The following SOX5 variants were observed in gnomAD, a reference collection of about 807,000 sequenced individuals.
SOX5 encodes the protein SRY-box transcription factor 5.
SOX5 carries 9 observed loss-of-function variants against 92.0 expected under a neutral mutation model. That is an observed-to-expected ratio of 0.10 (90% CI 0.06 to 0.17). SOX5 has a LOEUF of 0.17. Ranked by LOEUF, SOX5 falls within the 10% of genes least tolerant of loss-of-function variation. SOX5 has a pLI of 1.00. For synonymous variants in SOX5, 344 were observed against 336.3 expected, an observed-to-expected ratio of 1.02 and a Z score of -0.25; for missense variants, 642 against 944.5, an observed-to-expected ratio of 0.68 and a Z score of 4.20.
At chr12:24,050,363 G>A (rs925848496) in intron 4 of SOX5, among the ~76,000 whole-genome samples, 18 of 151,980 alleles carry the variant, frequency 1.2e-4, no homozygotes, top group South Asian at 4.1e-4. Flanking sequence ...CATAAGCTTC[G>A]TCAGCAAACA....
intron 13 of SOX5, among the ~76,000 whole-genome samples, chr12:23,541,306 A>G (rs1941990755): frequency 6.6e-6 from 1 of 152,224 alleles, no homozygotes; most frequent in Non-Finnish European, 1.5e-5. Context: ...GTATTCAGAC[A>G]CAAGAATTGA....
intron 1 of SOX5, among the ~76,000 whole-genome samples, chr12:23,901,038 T>C (rs1424518849): frequency 6.6e-6 from 1 of 152,212 alleles, no homozygotes; most frequent in Non-Finnish European, 1.5e-5. Context: ...ATACCTTACA[T>C]GTCAAAAGGG....
chr12:23,736,691 T>C (rs923796348), intron 5 of SOX5, among the ~76,000 whole-genome samples: 3 of 99,052 alleles, frequency 3.0e-5, no homozygotes, highest in South Asian at 2.6e-4. Flanking sequence ...TTCTTTCTCT[T>C]TTTTTTTTTT....
At chr12:24,195,887 T>A (rs1474541021) in intron 4 of SOX5, among the ~76,000 whole-genome samples, 1 of 152,174 alleles carries the variant, frequency 6.6e-6, no homozygotes, top group African/African-American at 2.4e-5. Flanking sequence ...TGTGTGTGTG[T>A]CTGTGTGTGT....
chr12:23,669,636 T>G (rs2084417716), intron 6 of SOX5, among the ~76,000 whole-genome samples: 1 of 122,216 alleles, frequency 8.2e-6, no homozygotes, highest in Non-Finnish European at 1.7e-5. Flanking sequence ...AGAAGAGTAA[T>G]GGATGAGGAG....
chr12:24,353,976 A>G (rs1409317580), intron 2 of SOX5, among the ~76,000 whole-genome samples: 1 of 152,182 alleles, frequency 6.6e-6, no homozygotes, highest in African/African-American at 2.4e-5. Context: ...AGAACCTACT[A>G]TGTACTACTG....
At chr12:23,697,050 G>T (rs2089977942) in intron 6 of SOX5, among the ~76,000 whole-genome samples, 2 of 152,092 alleles carry the variant, frequency 1.3e-5, no homozygotes, top group South Asian at 4.1e-4. Context: ...CACTTTAAAA[G>T]AATTATTCTT....
At chr12:24,380,787 G>T (rs1957749818) in intron 1 of SOX5, among the ~76,000 whole-genome samples, 1 of 152,150 alleles carries the variant, frequency 6.6e-6, no homozygotes, top group African/African-American at 2.4e-5. Context: ...GAAAACCAAA[G>T]AATTTGGCTG....
intron 2 of SOX5, among the ~76,000 whole-genome samples, chr12:23,891,963 T>C (rs2097133748): frequency 6.6e-6 from 1 of 152,164 alleles, no homozygotes; most frequent in Non-Finnish European, 1.5e-5. Flanking sequence ...CCTTCACTAC[T>C]CTGCCTAAAA....
intron 4 of SOX5, among the ~76,000 whole-genome samples, chr12:23,751,053 G>C (rs1158371685): frequency 6.6e-6 from 1 of 151,830 alleles, no homozygotes; most frequent in African/African-American, 2.4e-5. Context: ...TTTACAAAAA[G>C]TGAAAACATT....
At chr12:23,958,866 TGTGG>T (rs1946574125) in intron 4 of SOX5, among the ~76,000 whole-genome samples, 1 of 151,846 alleles carries the variant, frequency 6.6e-6, no homozygotes. Context: ...TTAGAATTAC[TGTGG>T]GGAACAAAAG....
chr12:24,364,305 G>A (rs977919876), intron 2 of SOX5, among the ~76,000 whole-genome samples: 16 of 151,750 alleles, frequency 1.1e-4, no homozygotes, highest in South Asian at 4.2e-4. Flanking sequence ...AATGCATTTC[G>A]TCTTATCTGA....
At chr12:24,037,360 A>T (rs1324753577) in intron 4 of SOX5, among the ~76,000 whole-genome samples, 1 of 152,232 alleles carries the variant, frequency 6.6e-6, no homozygotes, top group African/African-American at 2.4e-5. Context: ...CATTGAGAGC[A>T]CAAGAGTAAC....
intron 5 of SOX5, among the ~76,000 whole-genome samples, chr12:23,738,096 T>C (rs1206479174): frequency 6.6e-6 from 1 of 152,200 alleles, no homozygotes; most frequent in African/African-American, 2.4e-5. Flanking sequence ...GAACAAAACC[T>C]GGCATCAAAT....
chr12:23,745,628 C>T (rs1593957869), intron 4 of SOX5, among the ~76,000 whole-genome samples: 1 of 152,178 alleles, frequency 6.6e-6, no homozygotes, highest in Non-Finnish European at 1.5e-5. Context: ...AAATGCCATC[C>T]TTAACAAGTG....
chr12:23,607,994 G>C (rs2137631951), intron 8 of SOX5, among the ~76,000 whole-genome samples: 1 of 151,746 alleles, frequency 6.6e-6, no homozygotes, highest in Non-Finnish European at 1.5e-5. Flanking sequence ...GCTGAGCCAG[G>C]TGTGGTGGCT....
At chr12:23,769,434 G>A (rs1473576616) in intron 3 of SOX5, among the ~76,000 whole-genome samples, 1 of 151,670 alleles carries the variant, frequency 6.6e-6, no homozygotes, top group African/African-American at 2.4e-5. Flanking sequence ...TTCTCTATGG[G>A]GCTACTACCA....
intron 2 of SOX5, among the ~76,000 whole-genome samples, chr12:23,877,988 T>C (rs187823534): frequency 1.2e-4 from 19 of 152,162 alleles, no homozygotes; most frequent in Admixed American, 7.9e-4. Context: ...GTTGTTTTAT[T>C]ATATTTTTTC....
At chr12:24,385,768 T>C (rs766929581) in intron 1 of SOX5, among the ~76,000 whole-genome samples, 4 of 151,870 alleles carry the variant, frequency 2.6e-5, no homozygotes, top group African/African-American at 7.3e-5. Flanking sequence ...TGAAATCTCA[T>C]GTCTACCAAA....
Sources: gnomAD v4.1 joint callset for allele counts (sites outside exome capture counted in the v4.1 genomes callset) on GRCh38, gnomAD v4.1.1 for gene constraint, MANE v1.5 for transcripts, NCBI Gene and HGNC (gene_info 2026-07-23, HGNC 2026-07-21) for gene names.